MEGF11: variants seen among roughly 807,000 people sequenced by gnomAD.
MEGF11 encodes the protein multiple epidermal growth factor-like domains protein 11.
In MEGF11, 126 loss-of-function variants were observed where a neutral mutation model predicts 146.6. That is an observed-to-expected ratio of 0.86 (90% CI 0.74 to 1.00). The LOEUF (loss-of-function observed/expected upper bound fraction) is 1.00, where lower values mean the gene tolerates loss of function less well. Among genes scored for constraint, MEGF11 ranks in the 50% least tolerant of loss-of-function variants. The probability of loss-of-function intolerance (pLI) is 0.00; values close to 1 mark genes in which losing one functional copy is unlikely to be tolerated. For missense variants in MEGF11, 1,509 were observed against 1,521.2 expected (o/e 0.99, Z 0.13); for synonymous variants, 532 against 583.4 (o/e 0.91, Z 1.27).
chr15:66,047,618 T>C (rs1039816255), intron 5 of MEGF11, among the ~76,000 whole-genome samples: 3 of 152,234 alleles, frequency 2.0e-5, no homozygotes, highest in Non-Finnish European at 2.9e-5. Context: ...TCCTTTTATG[T>C]CCTTACTGTT....
chr15:65,923,056 A>G, intron 13 of MEGF11, 87 bp from the exon 14 acceptor site: 1 of 1,433,226 alleles, frequency 7.0e-7, no homozygotes, highest in East Asian at 2.5e-5. Context: ...TGCAGTATGA[A>G]GAGGTGGAGG....
intron 1 of MEGF11, among the ~76,000 whole-genome samples, chr15:66,143,501 G>A (rs931935271): frequency 2.0e-5 from 3 of 152,212 alleles, no homozygotes; most frequent in Non-Finnish European, 4.4e-5. Flanking sequence ...AGGGCTGGCT[G>A]CCCAGCAGCT....
intron 1 of MEGF11, among the ~76,000 whole-genome samples, chr15:66,175,597 C>G (rs1195032076): frequency 2.0e-5 from 3 of 152,136 alleles, no homozygotes; most frequent in Non-Finnish European, 4.4e-5. Context: ...ATAAATGGTA[C>G]TAGGGAAACT....
rs548033886 is a variant in MEGF11 at position 66,218,782 on chromosome 15, G to A, written c.-9+34823C>T. Among the ~76,000 whole-genome samples, 8 of 152,056 alleles carry A rather than the reference G, an allele frequency of 5.3e-5. No homozygotes were observed. In the Middle Eastern group the frequency reaches 0.014, roughly 259 times the overall value. On this transcript the variant is annotated intron_variant, in intron 1 of 25. Coordinates refer to ENST00000395614, the MANE Select transcript of MEGF11 (RefSeq NM_001385028.1). The stretch of plus-strand genomic sequence containing the variant: ...GAATGTACTTGGACCATGAAAACCC[G>A]GATGTTAGCCCCCATCTGTTGATGG...
intron 5 of MEGF11, among the ~76,000 whole-genome samples, chr15:66,073,122 A>G (rs1211213677): frequency 6.6e-6 from 1 of 152,226 alleles, no homozygotes; most frequent in African/African-American, 2.4e-5. Context: ...AATCTAAGAC[A>G]GACACTTCCT....
chr15:65,987,963 C>G (rs1475677240), intron 5 of MEGF11, among the ~76,000 whole-genome samples: 1 of 150,532 alleles, frequency 6.6e-6, no homozygotes, highest in East Asian at 2.0e-4. Flanking sequence ...CCCACCTTGG[C>G]CTCCCAAAGT....
At chr15:66,117,561 C>T (rs1002630177) in intron 4 of MEGF11, among the ~76,000 whole-genome samples, 1 of 152,200 alleles carries the variant, frequency 6.6e-6, no homozygotes, top group East Asian at 1.9e-4. Flanking sequence ...GATCTCTGCG[C>T]TGACGTCCAA....
chr15:66,077,590 T>A (rs2085645840), intron 5 of MEGF11, among the ~76,000 whole-genome samples: 1 of 152,202 alleles, frequency 6.6e-6, no homozygotes, highest in East Asian at 1.9e-4. Flanking sequence ...CCAGATTCCA[T>A]GTAACACTGC....
At chr15:66,022,392 G>A (rs1300328989) in intron 5 of MEGF11, among the ~76,000 whole-genome samples, 2 of 152,220 alleles carry the variant, frequency 1.3e-5, no homozygotes, top group African/African-American at 2.4e-5. Context: ...GGTGACAGAC[G>A]TTTTTAAGAA....
intron 4 of MEGF11, among the ~76,000 whole-genome samples, chr15:66,100,816 G>A (rs2086760355): frequency 7.0e-6 from 1 of 142,140 alleles, no homozygotes; most frequent in Non-Finnish European, 1.5e-5. Flanking sequence ...TGGCAGGAAA[G>A]GGAGACGGCA....
At chr15:66,204,633 T>C (rs1308408201) in intron 1 of MEGF11, among the ~76,000 whole-genome samples, 2 of 152,060 alleles carry the variant, frequency 1.3e-5, no homozygotes, top group Non-Finnish European at 2.9e-5. Context: ...AATGAAACCA[T>C]CCTTACCAAG....
At chr15:66,110,496 C>G (rs2087338278) in intron 4 of MEGF11, among the ~76,000 whole-genome samples, 2 of 152,202 alleles carry the variant, frequency 1.3e-5, no homozygotes, top group Non-Finnish European at 2.9e-5. Context: ...CCTTGCCTCC[C>G]TATTTAAACT....
At chr15:65,946,841 C>T (rs1272254895) in intron 10 of MEGF11, among the ~76,000 whole-genome samples, 1 of 152,156 alleles carries the variant, frequency 6.6e-6, no homozygotes, top group East Asian at 1.9e-4. Context: ...CCTTGGCATG[C>T]AGGGCCCACC....
At chr15:66,249,120 G>A (rs564517841) in intron 1 of MEGF11, among the ~76,000 whole-genome samples, 1 of 152,202 alleles carries the variant, frequency 6.6e-6, no homozygotes, top group Non-Finnish European at 1.5e-5. Flanking sequence ...CAGGAAGACA[G>A]ACAGACAGAG....
intron 25 of MEGF11, chr15:65,898,330 G>T (rs2078401875): frequency 1.0e-6 from 1 of 985,308 alleles, no homozygotes; most frequent in African/African-American, 1.7e-5. Context: ...AGAGGTAGGA[G>T]TCTTACCAGT....
chr15:66,029,680 A>C (rs333582), intron 5 of MEGF11, among the ~76,000 whole-genome samples: 99,876 of 152,072 alleles, frequency 0.66, 33,638 homozygotes, highest in Non-Finnish European at 0.74. Context: ...CCTGCCCCCT[A>C]CTCAAGACTT....
Position 65,898,869 on chromosome 15 carries a change from CG to C in MEGF11, c.3120del (p.Tyr1040Ter). On this transcript the variant is annotated frameshift_variant, in exon 25 of 26. Transcript: ENST00000395614. LOFTEE classifies it high-confidence loss of function. ...TCSLNSSENPYATIKDPPILT... is the reference protein window; with the variant it reads ...TCSLNSSENPXATIKDPPILT... ...AGGATGGGTGGGTCCTTAATTGTGG[CG>C]TAAGGGTTTTCACTGCTATTCAAGG... 1 of 1,613,882 alleles carries C rather than the reference CG, an allele frequency of 6.2e-7. No homozygotes were observed. The highest frequency in any genetic ancestry group is 8.5e-7 in the Non-Finnish European group (1 of 1,179,830).
At chr15:66,168,821 C>T (rs2141105327) in intron 1 of MEGF11, among the ~76,000 whole-genome samples, 1 of 152,238 alleles carries the variant, frequency 6.6e-6, no homozygotes, top group Middle Eastern at 3.4e-3. Flanking sequence ...AATCTCATCT[C>T]TACTAAAAAT....
At chr15:66,162,649 G>T (rs2089984085) in intron 1 of MEGF11, among the ~76,000 whole-genome samples, 1 of 152,148 alleles carries the variant, frequency 6.6e-6, no homozygotes, top group South Asian at 2.1e-4. Context: ...AGGGGAGAGG[G>T]CATTGATGCC....
Sources: allele counts gnomAD v4.1 joint callset (sites outside exome capture counted in the v4.1 genomes callset), GRCh38; gene constraint gnomAD v4.1.1; transcripts MANE v1.5; gene names NCBI Gene and HGNC (gene_info 2026-07-23, HGNC 2026-07-21).